The following TSPAN9 variants were observed in gnomAD, a reference collection of about 807,000 sequenced individuals.
TSPAN9 encodes the protein tetraspanin-9.
A neutral mutation model predicts 31.0 loss-of-function variants in TSPAN9; 16 were observed. The ratio of observed to expected loss-of-function variants is 0.52; its 90% confidence interval spans 0.35 to 0.78. The LOEUF is 0.78. Ranked by LOEUF, TSPAN9 falls within the 30% of genes least tolerant of loss-of-function variation. The pLI is 0.01. For synonymous variants in TSPAN9, 145 were observed against 121.6 expected (o/e 1.19, Z -1.27); for missense variants, 272 against 312.5 (o/e 0.87, Z 0.98).
intron 2 of TSPAN9, among the ~76,000 whole-genome samples, chr12:3,153,067 TGTGGTG>T (rs372087469): frequency 6.6e-6 from 1 of 151,576 alleles, no homozygotes; most frequent in Admixed American, 6.6e-5. Flanking sequence ...GTGTGTGGGG[TGTGGTG>T]GTGGTGGTGG....
intron 2 of TSPAN9, among the ~76,000 whole-genome samples, chr12:3,175,057 T>C (rs998742835): frequency 2.0e-5 from 3 of 152,122 alleles, no homozygotes; most frequent in African/African-American, 7.2e-5. Context: ...GCGCCTTGTG[T>C]GATATGAAGT....
intron 3 of TSPAN9, among the ~76,000 whole-genome samples, chr12:3,261,570 A>G (rs1862449673): frequency 6.6e-6 from 1 of 152,202 alleles, no homozygotes; most frequent in East Asian, 1.9e-4. Context: ...GCATGTTCAA[A>G]AGACTAGGAC....
intron 2 of TSPAN9, among the ~76,000 whole-genome samples, chr12:3,102,393 C>T (rs1471381438): frequency 6.6e-6 from 1 of 151,196 alleles, no homozygotes; most frequent in Non-Finnish European, 1.5e-5. Context: ...TCCCAAAGTG[C>T]TGGGGTTACA....
At position 3,192,695 on chromosome 12, in the gene TSPAN9, A is replaced by C. The variant is rs1311016417; in HGVS notation, c.-17-8482A>C. 6.6e-6 allele frequency among the ~76,000 whole-genome samples: 1 copy of C among 152,020 alleles called. No homozygotes were observed. ...ACAAGTCAGGTCCAGGTGTGCATTT[A>C]GGGGGTCAACAGCATGCAGATGGCC... On this transcript the variant is annotated intron_variant, in intron 2 of 8. Coordinates refer to ENST00000011898, the MANE Select transcript of TSPAN9 (RefSeq NM_006675.5). This position sits in a 1 kb window ranked among gnomAD's most constrained non-coding sequence, Gnocchi z 4.6.
intron 2 of TSPAN9, among the ~76,000 whole-genome samples, chr12:3,119,156 C>A (rs7979152): frequency 6.6e-6 from 1 of 152,184 alleles, no homozygotes; most frequent in Admixed American, 6.5e-5. Context: ...ACTGGACAAG[C>A]TGCTATGCTC....
At chr12:3,214,129 ATGAT>A (rs1325955395) in intron 3 of TSPAN9, among the ~76,000 whole-genome samples, 2 of 152,332 alleles carry the variant, frequency 1.3e-5, no homozygotes, top group East Asian at 3.9e-4. Flanking sequence ...CATCTGGAAA[ATGAT>A]AGACTTGGAC....
chr12:3,218,338 G>A (rs544938247), intron 3 of TSPAN9, among the ~76,000 whole-genome samples: 16 of 152,348 alleles, frequency 1.1e-4, no homozygotes, highest in South Asian at 4.1e-4. Context: ...AGGAGGAGGC[G>A]TGTTCTCTGC....
In TSPAN9 at chr12:3,280,138, C is replaced by T. The variant is rs1156571098; in HGVS notation, c.331-244C>T. ...AGCCCTGGCCCTGAGTTTAGCTCTGCCGGGAGGCGGTGGGTGCACCAGGGC... is the reference window on the plus strand; with the variant it reads ...AGCCCTGGCCCTGAGTTTAGCTCTGTCGGGAGGCGGTGGGTGCACCAGGGC... On this transcript the variant is annotated intron_variant, in intron 5 of 8. Transcript: ENST00000011898. This position sits in a 1 kb window ranked among gnomAD's most constrained non-coding sequence, Gnocchi z 4.5. Among the ~76,000 whole-genome samples the T allele has an allele frequency of 6.6e-6, 1 of 152,054 alleles. No individual in the cohort carries two copies. The highest frequency in any genetic ancestry group is 1.9e-4 in the East Asian group (1 of 5,176).
chr12:3,214,888 C>T (rs573277026), intron 3 of TSPAN9, among the ~76,000 whole-genome samples: 1 of 151,974 alleles, frequency 6.6e-6, no homozygotes, highest in East Asian at 1.9e-4. Flanking sequence ...TTTCTTCCTC[C>T]TTCCCCCCAT....
At chr12:3,145,990 C>T (rs144673231) in intron 2 of TSPAN9, among the ~76,000 whole-genome samples, 1,890 of 152,336 alleles carry the variant, frequency 0.012, 17 homozygotes, top group African/African-American at 0.018. Flanking sequence ...ACGGGGCACG[C>T]GGGGCCTGGC....
intron 3 of TSPAN9, among the ~76,000 whole-genome samples, chr12:3,268,920 G>C (rs1591716223): frequency 2.1e-5 from 2 of 93,222 alleles, no homozygotes; most frequent in African/African-American, 5.2e-5. Context: ...AGCCTGCCCT[G>C]TGTTCCTGCA....
intron 2 of TSPAN9, among the ~76,000 whole-genome samples, chr12:3,195,080 C>T (rs944210514): frequency 6.6e-5 from 10 of 152,252 alleles, no homozygotes; most frequent in African/African-American, 2.4e-4. Flanking sequence ...TTGTGTCTAA[C>T]CTGAACCCTG....
chr12:3,284,872 A>T lies in TSPAN9; in HGVS notation c.*1756A>T, dbSNP rs999841868. On this transcript the variant is annotated 3_prime_UTR_variant, in exon 9 of 9. Coordinates refer to ENST00000011898, the MANE Select transcript of TSPAN9 (RefSeq NM_006675.5). Reference sequence around the variant, plus strand: ...CCTCCACCTGCCTGTCTGATCCAAGAGCTGAGACACGGCCACCCAGCACCA... The same window carrying T: ...CCTCCACCTGCCTGTCTGATCCAAGTGCTGAGACACGGCCACCCAGCACCA... 6.6e-6 allele frequency: 1 copy of T among 152,276 alleles called. No individual in the cohort carries two copies. The highest frequency in any genetic ancestry group is 2.4e-5 in the African/African-American group (1 of 41,436). The allele number at this position is 152,276 out of a possible 1,614,324, so 9.4% of individuals were successfully genotyped here.
intron 3 of TSPAN9, among the ~76,000 whole-genome samples, chr12:3,220,146 A>T (rs1368819267): frequency 2.5e-4 from 1 of 4,006 alleles, no homozygotes. Flanking sequence ...ACTCTGTCTC[A>T]AAAAAAAAAA....
chr12:3,166,627 A>T (rs73249049), intron 2 of TSPAN9, among the ~76,000 whole-genome samples: 6,419 of 152,254 alleles, frequency 0.042, 441 homozygotes, highest in African/African-American at 0.15. Context: ...CATTTGATGA[A>T]TTTTTATAGA....
In TSPAN9 at chr12:3,285,256, T is replaced by G. The variant is rs1418947761; in HGVS notation, c.*2140T>G. 1.3e-5 allele frequency: 2 copies of G among 149,614 alleles called. No homozygotes were observed. Among genetic ancestry groups the G allele is most frequent in the Admixed American group, 6.6e-5 (1 of 15,074 alleles). 9.3% of individuals were successfully genotyped at this position (149,614 alleles called of 1,614,324 possible). ...ACGGTGGGACCCGGGGCCTCGTGCGTTTTTTGCTGTGGGTGGGGTGGGTGG... is the reference window on the plus strand; with the variant it reads ...ACGGTGGGACCCGGGGCCTCGTGCGGTTTTTGCTGTGGGTGGGGTGGGTGG... On this transcript the variant is annotated 3_prime_UTR_variant, in exon 9 of 9. Transcript: ENST00000011898.
At chr12:3,255,620 C>G (rs1291537670) in intron 3 of TSPAN9, among the ~76,000 whole-genome samples, 1 of 152,182 alleles carries the variant, frequency 6.6e-6, no homozygotes, top group African/African-American at 2.4e-5. Flanking sequence ...GGATTTCTTT[C>G]TTGTTTGGTG....
chr12:3,268,681 T>TCTGTGTTCCTGCAGCCTGCCCTCC (rs1862595132), intron 3 of TSPAN9, among the ~76,000 whole-genome samples: 1 of 85,646 alleles, frequency 1.2e-5, no homozygotes, highest in Non-Finnish European at 2.3e-5. Flanking sequence ...GCCTGCCCTC[T>TCTGTGTTCCTGCAGCCTGCCCTCC]CTGTGTTCCT....
At chr12:3,214,974 C>T (rs1014718223) in intron 3 of TSPAN9, among the ~76,000 whole-genome samples, 31 of 152,200 alleles carry the variant, frequency 2.0e-4, no homozygotes, top group Admixed American at 9.2e-4. Context: ...TCACTGTGCC[C>T]TTCTACCCAG....
Sources: gnomAD v4.1 joint callset for allele counts (sites outside exome capture counted in the v4.1 genomes callset) on GRCh38, gnomAD v4.1.1 for gene constraint, Gnocchi (gnomAD v3.1) non-coding constraint, MANE v1.5 for transcripts, NCBI Gene and HGNC (gene_info 2026-07-23, HGNC 2026-07-21) for gene names.